The following DTNB variants were observed in gnomAD, a reference collection of about 807,000 sequenced individuals.
The protein encoded by DTNB is dystrobrevin beta.
In DTNB, 63 loss-of-function variants were observed where a neutral mutation model predicts 90.7. The ratio of observed to expected loss-of-function variants is 0.69; its 90% CI spans 0.57 to 0.86. The LOEUF is 0.86. DTNB is among the 40% of genes least tolerant of loss of function. The pLI, the probability that DTNB is intolerant of heterozygous loss-of-function variation, is 0.00. For synonymous variants in DTNB, 277 were observed against 286.7 expected, an observed-to-expected ratio of 0.97 and a Z score of 0.34; for missense variants, 744 against 807.1, an observed-to-expected ratio of 0.92 and a Z score of 0.95.
intron 1 of DTNB, among the ~76,000 whole-genome samples, chr2:25,666,858 GC>G (rs1559446893): frequency 6.6e-6 from 1 of 152,126 alleles, no homozygotes; most frequent in Non-Finnish European, 1.5e-5. Context: ...ACTGCTCAAG[GC>G]CAGCAATGAT....
At chr2:25,653,247 C>A (rs182265675) in intron 1 of DTNB, 2 of 152,136 alleles carry the variant, frequency 1.3e-5, no homozygotes, top group African/African-American at 4.8e-5. Context: ...CGGTCTTTCC[C>A]GTGCTATTCT....
chr2:25,487,502 A>G (rs776644706), intron 9 of DTNB, among the ~76,000 whole-genome samples: 1 of 152,146 alleles, frequency 6.6e-6, no homozygotes, highest in Non-Finnish European at 1.5e-5. Flanking sequence ...TTGGGTTTCC[A>G]TATCTGTGGG....
intron 13 of DTNB, among the ~76,000 whole-genome samples, chr2:25,433,398 C>CACT (rs1162587922): frequency 3.3e-5 from 5 of 152,132 alleles, no homozygotes; most frequent in Non-Finnish European, 7.3e-5. Context: ...CCCCGATGCC[C>CACT]CAGTAGACAG....
At chr2:25,667,913 C>T (rs1332577476) in intron 1 of DTNB, among the ~76,000 whole-genome samples, 1 of 152,136 alleles carries the variant, frequency 6.6e-6, no homozygotes, top group African/African-American at 2.4e-5. Context: ...TGTGGTGCTT[C>T]CATAAAAAGG....
At chr2:25,476,901 TG>T (rs976800831) in intron 10 of DTNB, among the ~76,000 whole-genome samples, 2 of 152,252 alleles carry the variant, frequency 1.3e-5, no homozygotes, top group African/African-American at 4.8e-5. Context: ...GAAGTTCTAC[TG>T]TGGGTAAAAT....
chr2:25,577,254 G>A (rs1453846713), intron 7 of DTNB, among the ~76,000 whole-genome samples: 1 of 152,076 alleles, frequency 6.6e-6, no homozygotes, highest in Non-Finnish European at 1.5e-5. Context: ...GGACAACATG[G>A]CAAAACCCTG....
intron 15 of DTNB, among the ~76,000 whole-genome samples, chr2:25,422,150 C>T (rs1040548134): frequency 3.3e-5 from 5 of 152,068 alleles, no homozygotes; most frequent in Admixed American, 6.6e-5. Context: ...ATAGAGCCAA[C>T]GTGATTTAAA....
intron 13 of DTNB, among the ~76,000 whole-genome samples, chr2:25,433,689 C>T (rs923056088): frequency 1.5e-4 from 23 of 152,088 alleles, no homozygotes; most frequent in African/African-American, 5.3e-4. Context: ...AGGAATCCCC[C>T]GAGGGCAGGT....
chr2:25,421,026 G>A (rs1007593912), intron 15 of DTNB: 1 of 152,096 alleles, frequency 6.6e-6, no homozygotes, highest in Non-Finnish European at 1.5e-5. Context: ...CAGCTCTTTG[G>A]CCTAGTATGT....
intron 6 of DTNB, 102 bp from the exon 7 acceptor site, chr2:25,580,928 C>T (rs886326769): frequency 5.0e-5 from 46 of 921,400 alleles, no homozygotes; most frequent in East Asian, 3.0e-4. Flanking sequence ...GTGAATTACA[C>T]GGTAAATTTT....
intron 5 of DTNB, among the ~76,000 whole-genome samples, chr2:25,600,711 C>A (rs2065691928): frequency 6.6e-6 from 1 of 152,160 alleles, no homozygotes. Flanking sequence ...TATAGCTTCA[C>A]AATCACAAAA....
chr2:25,437,938 A>G (rs1331677143), intron 12 of DTNB, among the ~76,000 whole-genome samples: 1 of 152,228 alleles, frequency 6.6e-6, no homozygotes, highest in African/African-American at 2.4e-5. Flanking sequence ...AGCAGGGATA[A>G]TGCAATAAAG....
chr2:25,583,810 C>T (rs1441785400), intron 6 of DTNB, among the ~76,000 whole-genome samples: 1 of 152,038 alleles, frequency 6.6e-6, no homozygotes, highest in African/African-American at 2.4e-5. Context: ...TGAACCACTG[C>T]ACCCAATCAT....
At chr2:25,629,021 C>T (rs1411220116) in intron 3 of DTNB, among the ~76,000 whole-genome samples, 2 of 152,012 alleles carry the variant, frequency 1.3e-5, no homozygotes, top group Non-Finnish European at 2.9e-5. Flanking sequence ...TTGAAAACGA[C>T]AAAAATTCCT....
At chr2:25,468,316 C>A (rs1252759281) in intron 10 of DTNB, among the ~76,000 whole-genome samples, 1 of 152,204 alleles carries the variant, frequency 6.6e-6, no homozygotes, top group Non-Finnish European at 1.5e-5. Context: ...AACAAACATA[C>A]TTTGCTTCCT....
intron 16 of DTNB, among the ~76,000 whole-genome samples, chr2:25,406,129 C>T (rs1382616719): frequency 6.6e-6 from 1 of 151,992 alleles, no homozygotes. Flanking sequence ...ATCTGTGGGG[C>T]CCACCCTTCC....
chr2:25,651,745 G>A (rs1034782533), intron 2 of DTNB, among the ~76,000 whole-genome samples: 4 of 152,132 alleles, frequency 2.6e-5, no homozygotes, highest in Admixed American at 6.5e-5. Flanking sequence ...TTCATATTGC[G>A]ATATGCAGAA....
chr2:25,460,906 T>TG (rs2060834092), intron 10 of DTNB, among the ~76,000 whole-genome samples: 1 of 151,604 alleles, frequency 6.6e-6, no homozygotes, highest in Non-Finnish European at 1.5e-5. Context: ...TTTTTTGTTT[T>TG]TTTTTTTTTG....
intron 20 of DTNB, among the ~76,000 whole-genome samples, chr2:25,378,094 T>TGGGG (rs1480730054): frequency 1.3e-5 from 2 of 152,086 alleles, no homozygotes; most frequent in Non-Finnish European, 2.9e-5. Flanking sequence ...AACAAGGCGG[T>TGGGG]GGGGGCACAT....
Sources: allele counts gnomAD v4.1 joint callset (sites outside exome capture counted in the v4.1 genomes callset), GRCh38; gene constraint gnomAD v4.1.1; transcripts MANE v1.5; gene names NCBI Gene and HGNC (gene_info 2026-07-23, HGNC 2026-07-21).